Variants in ARMCX4 observed in about 807,000 individuals in gnomAD.
ARMCX4 encodes armadillo repeat containing X-linked 4.
A neutral mutation model predicts 34.7 loss-of-function variants in ARMCX4; 3 were observed. The observed-to-expected ratio is 0.09, with a 90% CI of 0.04 to 0.22. ARMCX4 has a LOEUF of 0.22. ARMCX4 is among the 10% of genes least tolerant of loss of function. The pLI, the probability that ARMCX4 is intolerant of heterozygous loss-of-function variation, is 1.00. For synonymous variants in ARMCX4, 513 were observed against 632.8 expected, an observed-to-expected ratio of 0.81 and a Z score of 2.84; for missense variants, 1,448 against 1,720.8, an observed-to-expected ratio of 0.84 and a Z score of 2.81.
At chrX:101,534,055 GA>G (rs1293675246), downstream of ARMCX4, among the ~76,000 whole-genome samples, 8 of 110,667 alleles carry the variant, frequency 7.2e-5, no homozygotes, top group Admixed American at 7.7e-4. Context: ...TGTAAAATAA[GA>G]AAAAAAATCT....
chrX:101,488,369 C>T, intron 5 of ARMCX4, 75 bp from the exon 6 acceptor site: 4 of 947,322 alleles, frequency 4.2e-6, no homozygotes, highest in Middle Eastern at 4.0e-4. Flanking sequence ...ATTTTCTGTT[C>T]CTCTGTGTAT....
intron 4 of ARMCX4, 112 bp downstream of exon 4, chrX:101,487,803 CT>C: frequency 3.1e-6 from 1 of 325,562 alleles, no homozygotes; most frequent in Non-Finnish European, 5.2e-6. Context: ...TCAGTCTCTC[CT>C]TTTCCAGCCA....
intron 11 of ARMCX4, among the ~76,000 whole-genome samples, chrX:101,526,781 A>G (rs1934985350): frequency 8.9e-6 from 1 of 112,263 alleles, no homozygotes. Flanking sequence ...AGAAGAGCTA[A>G]CTATCCTAAA....
chrX:101,491,259 C>A lies in ARMCX4; in HGVS notation c.2670C>A (p.Gly890=), dbSNP rs1024148501. ...TLPGARNKVK[G]NSNVVSKAGA... ...CTGGTGCCAGGAATAAGGTCAAGGG[C>A]AATTCCAATGTTGTGTCTAAGGCAG... Residue 890 remains glycine (G), a synonymous_variant, in exon 6 of 6, where the codon GGC becomes GGA. Transcript: ENST00000423738. 69 of 1,153,593 alleles carry A rather than the reference C, an allele frequency of 6.0e-5. No homozygotes were observed. In the African/African-American group the frequency reaches 1.2e-3, roughly 20 times the overall value.
intron 11 of ARMCX4, among the ~76,000 whole-genome samples, chrX:101,512,365 T>C (rs957666756): frequency 3.6e-5 from 4 of 111,496 alleles, no homozygotes; most frequent in Non-Finnish European, 7.5e-5. Context: ...AGCAAGACTC[T>C]ATCTCAAGAA....
At chrX:101,422,331 T>C (rs1929326869) in intron 2 of ARMCX4, among the ~76,000 whole-genome samples, 1 of 110,779 alleles carries the variant, frequency 9.0e-6, no homozygotes, top group African/African-American at 3.3e-5. Flanking sequence ...TCAGAGTTTT[T>C]AAAGATAACT....
chrX:101,427,643 A>G (rs1603077510), intron 2 of ARMCX4, among the ~76,000 whole-genome samples: 1 of 111,411 alleles, frequency 9.0e-6, no homozygotes, highest in South Asian at 3.7e-4. Context: ...GGCCTCCTAA[A>G]GTGCTGGGAT....
upstream of ARMCX4, among the ~76,000 whole-genome samples, chrX:101,482,738 G>A (rs11092309): frequency 0.5 from 54,298 of 109,135 alleles, 10,817 homozygotes; most frequent in African/African-American, 0.74. Context: ...ACTCTTGTGG[G>A]ATTTGTATGT....
At chrX:101,456,010 C>A (rs1040183006) in intron 4 of ARMCX4, among the ~76,000 whole-genome samples, 2 of 111,625 alleles carry the variant, frequency 1.8e-5, no homozygotes, top group Non-Finnish European at 3.8e-5. Flanking sequence ...TTTTTAATGG[C>A]TGTGTAGTAT....
intron 2 of ARMCX4, among the ~76,000 whole-genome samples, chrX:101,443,173 A>C (rs1349554135): frequency 3.6e-5 from 4 of 110,182 alleles, no homozygotes; most frequent in Non-Finnish European, 1.9e-5. Context: ...CCAATTAAAC[A>C]GTATTAAAAG....
intron 11 of ARMCX4, among the ~76,000 whole-genome samples, chrX:101,511,616 A>G (rs1448807847): frequency 9.0e-6 from 1 of 111,317 alleles, no homozygotes; most frequent in Non-Finnish European, 1.9e-5. Flanking sequence ...TGTGGCACAC[A>G]CAAATGCCAG....
intron 4 of ARMCX4, among the ~76,000 whole-genome samples, chrX:101,454,453 AT>A (rs368101420): frequency 1.0e-3 from 93 of 88,687 alleles, no homozygotes; most frequent in East Asian, 3.1e-3. Context: ...TTGTTTTTGT[AT>A]TTTTTTTTTT....
chrX:101,497,849 G>A (rs910817717), downstream of ARMCX4, among the ~76,000 whole-genome samples: 4 of 111,931 alleles, frequency 3.6e-5, no homozygotes, highest in Admixed American at 3.8e-4. Context: ...TTACTCTACT[G>A]TAAAAAAATA....
intron 4 of ARMCX4, among the ~76,000 whole-genome samples, chrX:101,473,034 C>T (rs1200276689): frequency 9.0e-6 from 1 of 110,858 alleles, no homozygotes; most frequent in Non-Finnish European, 1.9e-5. Context: ...AGATTCAAGA[C>T]CCGTCAGTGT....
At chrX:101,432,286 C>T (rs1930086771) in intron 2 of ARMCX4, among the ~76,000 whole-genome samples, 1 of 111,329 alleles carries the variant, frequency 9.0e-6, no homozygotes, top group South Asian at 3.7e-4. Context: ...TTCTCTATCC[C>T]TTAATAGTGG....
intron 4 of ARMCX4, among the ~76,000 whole-genome samples, chrX:101,480,155 C>CAG (rs1556005134): frequency 1.3e-4 from 12 of 94,870 alleles, no homozygotes; most frequent in African/African-American, 4.1e-4. Context: ...CACACACACA[C>CAG]ACACACACAC....
intron 2 of ARMCX4, among the ~76,000 whole-genome samples, chrX:101,438,500 G>T (rs1555995722): frequency 9.0e-6 from 1 of 111,167 alleles, no homozygotes; most frequent in African/African-American, 3.3e-5. Flanking sequence ...GGGAGGCAGA[G>T]CTTGCAGTGA....
At chrX:101,433,478 G>C (rs1324748343) in intron 2 of ARMCX4, among the ~76,000 whole-genome samples, 2 of 111,063 alleles carry the variant, frequency 1.8e-5, no homozygotes, top group Admixed American at 1.9e-4. Context: ...CAATAGGAAG[G>C]TCTTCATAAA....
rs1556011283 is a variant in ARMCX4, at chrX:101,494,621, T to C, written c.6032T>C (p.Val2011Ala). Residue 2011 changes from valine (V) to alanine (A), a missense_variant, in exon 6 of 6, where the codon GTT becomes GCT. Physicochemically the swap from Val to Ala is moderately conservative, Grantham distance 64. Coordinates refer to ENST00000423738, the MANE Select transcript of ARMCX4 (RefSeq NM_001256155.3). ...CACCAAAGTGAGGCCAGCTTCCCAGTTGAAGATGAGTCCAGAAAACAAACC... is the reference window on the plus strand; with the variant it reads ...CACCAAAGTGAGGCCAGCTTCCCAGCTGAAGATGAGTCCAGAAAACAAACC... ...FAHQSEASFP[V>A]EDESRKQTRT... The C allele has an allele frequency of 1.7e-6, 2 of 1,155,653 alleles. No homozygotes were observed. Among genetic ancestry groups the C allele is most frequent in the Non-Finnish European group, 2.3e-6 (2 of 872,815 alleles).
Sources: gnomAD v4.1 joint callset for allele counts (sites outside exome capture counted in the v4.1 genomes callset) on GRCh38, gnomAD v4.1.1 for gene constraint, MANE v1.5 for transcripts, NCBI Gene and HGNC (gene_info 2026-07-23, HGNC 2026-07-21) for gene names.